The following ARSL variants were observed in gnomAD, a reference collection of about 807,000 sequenced individuals.
ARSL encodes the protein arylsulfatase E (chondrodysplasia punctata 1).
A neutral mutation model predicts 31.1 loss-of-function variants in ARSL; 4 were observed. The ratio of observed to expected loss-of-function variants is 0.13; its 90% confidence interval spans 0.06 to 0.29. The LOEUF (loss-of-function observed/expected upper bound fraction) is 0.29. Among genes scored for constraint, ARSL ranks in the 10% least tolerant of loss-of-function variants. The pLI is 1.00. For missense variants in ARSL, 312 were observed against 497.8 expected, an observed-to-expected ratio of 0.63 and a Z score of 3.55; for synonymous variants, 198 against 209.9, an observed-to-expected ratio of 0.94 and a Z score of 0.49.
At chrX:2,938,726 T>C (rs1451748945) in intron 8 of ARSL, among the ~76,000 whole-genome samples, 1 of 110,390 alleles carries the variant, frequency 9.1e-6, no homozygotes, top group East Asian at 2.9e-4. Context: ...AACATGTTCA[T>C]GTCATATCTC....
chrX:2,955,609 A>G lies in ARSL; in HGVS notation c.186-72T>C, dbSNP rs983127666. ...CTTTTCATAAGCATAGCTACATGCT[A>G]CTTCATAGAAGGTCTGCTGGTCATC... On this transcript the variant is annotated intron_variant, in intron 3 of 10. Transcript: ENST00000381134. 8 of 1,126,359 alleles carry G rather than the reference A, an allele frequency of 7.1e-6. No homozygotes were observed. The African/African-American group carries it at 7.2e-5, about 10-fold the overall frequency. 92.8% of individuals were successfully genotyped at this position (1,126,359 alleles called of 1,213,427 possible). A position where few individuals can be genotyped will look rare whatever the true frequency, so the allele number is the denominator to read the frequency against.
At chrX:2,946,511 T>A (rs1421274109) in intron 6 of ARSL, among the ~76,000 whole-genome samples, 1 of 79,764 alleles carries the variant, frequency 1.3e-5, no homozygotes, top group African/African-American at 4.9e-5. Flanking sequence ...GCTAATTTTT[T>A]TTTTTTTTTT....
intron 1 of ARSL, among the ~76,000 whole-genome samples, chrX:2,962,586 G>A (rs1234043674): frequency 9.0e-6 from 1 of 111,684 alleles, no homozygotes; most frequent in African/African-American, 3.3e-5. Flanking sequence ...AAACCCCAGG[G>A]TGTGAGTGGG....
At chrX:2,964,738 G>A (rs971614259), upstream of ARSL, among the ~76,000 whole-genome samples, 4 of 111,622 alleles carry the variant, frequency 3.6e-5, no homozygotes, top group Non-Finnish European at 7.5e-5. Context: ...GGAGGACGAG[G>A]CAGGAAGATT....
upstream of ARSL, among the ~76,000 whole-genome samples, chrX:2,965,734 G>C (rs1042498544): frequency 1.8e-5 from 2 of 110,481 alleles, no homozygotes; most frequent in African/African-American, 3.3e-5. Context: ...AACCCCGTCT[G>C]TACTAAAAAT....
chrX:2,952,368 TG>T (rs1345592583), intron 5 of ARSL, among the ~76,000 whole-genome samples: 1 of 111,701 alleles, frequency 9.0e-6, no homozygotes, highest in African/African-American at 3.3e-5. Flanking sequence ...GGTTTCGCCA[TG>T]CTGCCCAGGC....
chrX:2,960,152 C>T lies in ARSL; in HGVS notation c.23+226G>A, dbSNP rs370140098. Among the ~76,000 whole-genome samples the T allele has an allele frequency of 2.4e-3, 205 of 84,501 alleles. 1 individual carries two copies. The highest frequency in any genetic ancestry group is 8.2e-3 in the African/African-American group (188 of 22,989). The allele number at this position is 84,501 out of a possible 115,157, so 73.4% of individuals were successfully genotyped here. On this transcript the variant is annotated intron_variant, in intron 2 of 10. Coordinates refer to ENST00000381134, the MANE Select transcript of ARSL (RefSeq NM_000047.3). Reference sequence around the variant, plus strand: ...GGCGTGGTGGCAGGCGCCTGTAGTCCCAGCTACTCGGGAGGCTGAGGCAGG... The same window carrying T: ...GGCGTGGTGGCAGGCGCCTGTAGTCTCAGCTACTCGGGAGGCTGAGGCAGG...
intron 7 of ARSL, among the ~76,000 whole-genome samples, chrX:2,945,404 C>T (rs1018034730): frequency 4.5e-5 from 5 of 111,571 alleles, no homozygotes; most frequent in African/African-American, 1.6e-4. Flanking sequence ...CACTCTACAG[C>T]GGAGAGGAAT....
At chrX:2,948,446 C>T (rs946500394) in intron 6 of ARSL, among the ~76,000 whole-genome samples, 5 of 111,051 alleles carry the variant, frequency 4.5e-5, no homozygotes, top group Non-Finnish European at 7.5e-5. Context: ...TGTGGTGATC[C>T]GAGGATGCTA....
At chrX:2,951,800 TAAAA>T (rs35592318) in intron 5 of ARSL, among the ~76,000 whole-genome samples, 1 of 84,233 alleles carries the variant, frequency 1.2e-5, no homozygotes. Context: ...GTACCCTGTT[TAAAA>T]AAAAAAAAAA....
upstream of ARSL, among the ~76,000 whole-genome samples, chrX:2,966,613 A>G (rs1180289406): frequency 9.5e-6 from 1 of 104,747 alleles, no homozygotes; most frequent in Middle Eastern, 4.4e-3. Context: ...CTATCTCTAG[A>G]AAAAAAAAAC....
Position 2,960,137 on chromosome X carries a change from C to T in ARSL, c.23+241G>A, listed in dbSNP as rs539462045. On this transcript the variant is annotated intron_variant, in intron 2 of 10. Coordinates refer to ENST00000381134, the MANE Select transcript of ARSL (RefSeq NM_000047.3). Reference sequence around the variant, plus strand: ...ACAAAAAATTAGCCGGGCGTGGTGGCAGGCGCCTGTAGTCCCAGCTACTCG... The same window carrying T: ...ACAAAAAATTAGCCGGGCGTGGTGGTAGGCGCCTGTAGTCCCAGCTACTCG... Among the ~76,000 whole-genome samples, 1,114 of 87,736 alleles carry T rather than the reference C, an allele frequency of 0.013. 48 individuals are homozygous for T. The highest frequency in any genetic ancestry group is 0.044 in the African/African-American group (1,055 of 24,017). 76.2% of individuals were successfully genotyped at this position (87,736 alleles called of 115,157 possible). A position where few individuals can be genotyped will look rare whatever the true frequency, so the allele number is the denominator to read the frequency against.
chrX:2,943,274 A>G, intron 7 of ARSL, 75 bp from the exon 8 acceptor site: 1 of 1,139,198 alleles, frequency 8.8e-7, no homozygotes, highest in South Asian at 1.9e-5. Flanking sequence ...TGTATGCTTT[A>G]GCATTCGGGG....
intron 8 of ARSL, among the ~76,000 whole-genome samples, chrX:2,939,864 C>CTTTTTTTT (rs35373572): frequency 1.8e-5 from 1 of 55,412 alleles, no homozygotes; most frequent in Non-Finnish European, 3.2e-5. Context: ...ACCCTTCTAC[C>CTTTTTTTT]TTTTTTTTTT....
chrX:2,959,781 C>A lies in ARSL; in HGVS notation c.23+597G>T, dbSNP rs182120987. The A allele has an allele frequency of 7.5e-6, 8 of 1,062,440 alleles. No individual in the cohort carries two copies. The African/African-American group carries it at 1.1e-4, about 15-fold the overall frequency. 87.6% of individuals were successfully genotyped at this position (1,062,440 alleles called of 1,213,427 possible). A position where few individuals can be genotyped will look rare whatever the true frequency, so the allele number is the denominator to read the frequency against. On this transcript the variant is annotated intron_variant, in intron 2 of 10. Transcript: ENST00000381134. ...ATCAAGAGATCCAGAAGCGGTCAGG[C>A]GTGGTGGCTCATGCCCATTATCTGA... is the stretch of plus-strand genomic sequence containing the variant.
chrX:2,960,029 G>A (rs945909594), intron 2 of ARSL: 1 of 207,085 alleles, frequency 4.8e-6, no homozygotes, highest in African/African-American at 3.0e-5. Context: ...CAGCACTTTG[G>A]GAGGCCGAGG....
At chrX:2,952,870 G>A (rs1014534569) in intron 5 of ARSL, 6 of 206,930 alleles carry the variant, frequency 2.9e-5, no homozygotes, top group South Asian at 9.0e-5. Context: ...TTGCCCAGGC[G>A]GGTTTCAAAC....
intron 7 of ARSL, among the ~76,000 whole-genome samples, chrX:2,944,281 C>T (rs1170292569): frequency 4.6e-5 from 5 of 108,848 alleles, no homozygotes; most frequent in Non-Finnish European, 7.6e-5. Flanking sequence ...TGGTGAAACC[C>T]CATCTCTACT....
At chrX:2,948,371 CT>C (rs199708124) in intron 6 of ARSL, among the ~76,000 whole-genome samples, 11 of 111,137 alleles carry the variant, frequency 9.9e-5, no homozygotes, top group African/African-American at 3.0e-4. Context: ...TGAAGATAGA[CT>C]TTTTTTTAAG....
Sources: gnomAD v4.1 joint callset for allele counts (sites outside exome capture counted in the v4.1 genomes callset) on GRCh38, gnomAD v4.1.1 for gene constraint, MANE v1.5 for transcripts, NCBI Gene and HGNC (gene_info 2026-07-23, HGNC 2026-07-21) for gene names.